The following SYT6 variants were observed in gnomAD, a reference collection of about 807,000 sequenced individuals.
SYT6 encodes synaptotagmin-6.
Under a neutral mutation model 38.4 loss-of-function variants are expected in SYT6, and 24 were observed. That is an observed-to-expected ratio of 0.62 (90% CI 0.45 to 0.88). SYT6 has a LOEUF of 0.88. Among genes scored for constraint, SYT6 ranks in the 40% least tolerant of loss-of-function variants. SYT6 has a pLI of 0.00. For synonymous variants in SYT6, 265 were observed against 241.9 expected, an observed-to-expected ratio of 1.10 and a Z score of -0.89; for missense variants, 611 against 621.0, an observed-to-expected ratio of 0.98 and a Z score of 0.17.
In SYT6 at chr1:114,092,338, C is replaced by CTCTCTG. The variant is rs991723002; in HGVS notation, c.*52-257_*52-256insCAGAGA. Reference sequence around the variant, plus strand: ...TCTCTCTCTCTCTCTCTCTCTCTCTCTGTGTGTGTGTGTGTGTGTGTGTGT... The same window carrying CTCTCTG: ...TCTCTCTCTCTCTCTCTCTCTCTCTCTCTCTGTGTGTGTGTGTGTGTGTGTGTGTGT... On this transcript the variant is annotated intron_variant, in intron 7 of 7. Transcript: ENST00000610222. Among the ~76,000 whole-genome samples the CTCTCTG allele has an allele frequency of 8.6e-4, 111 of 128,560 alleles. 1 individual carries two copies. The highest frequency in any genetic ancestry group is 2.8e-3 in the African/African-American group (101 of 36,240). 84.3% of individuals were successfully genotyped at this position (128,560 alleles called of 152,430 possible).
intron 3 of SYT6, among the ~76,000 whole-genome samples, chr1:114,116,316 C>T (rs72988629): frequency 0.013 from 1,946 of 152,286 alleles, 42 homozygotes; most frequent in African/African-American, 0.044. Context: ...GGCAGAACCC[C>T]TGGGCCAAAA....
At chr1:114,103,834 T>C (rs1293703615) in intron 3 of SYT6, 113 bp from the exon 4 acceptor site, 5 of 1,372,936 alleles carry the variant, frequency 3.6e-6, no homozygotes, top group Non-Finnish European at 4.9e-6. Context: ...TTGGAGACAC[T>C]GTGCTGTGTT....
At chr1:114,115,709 C>G (rs1676953447) in intron 3 of SYT6, among the ~76,000 whole-genome samples, 1 of 152,146 alleles carries the variant, frequency 6.6e-6, no homozygotes, top group African/African-American at 2.4e-5. Context: ...GCCACTGCAC[C>G]CAGCTCTTAA....
chr1:114,127,779 T>C (rs1468533123), intron 3 of SYT6, among the ~76,000 whole-genome samples: 3 of 152,156 alleles, frequency 2.0e-5, no homozygotes, highest in Admixed American at 6.5e-5. Context: ...AGGAATAAAC[T>C]GTGAGTAGGA....
chr1:114,144,911 C>T (rs1467963387), intron 1 of SYT6, among the ~76,000 whole-genome samples: 3 of 152,052 alleles, frequency 2.0e-5, no homozygotes, highest in Non-Finnish European at 4.4e-5. Flanking sequence ...AGAGAATCCT[C>T]AAGTCCTGAG....
At chr1:114,102,305 C>T (rs1351299300) in intron 4 of SYT6, among the ~76,000 whole-genome samples, 2 of 152,144 alleles carry the variant, frequency 1.3e-5, no homozygotes, top group African/African-American at 4.8e-5. Flanking sequence ...AGAAGAGGTC[C>T]GTTAATCTCT....
At chr1:114,145,408 T>A (rs781332122) in intron 1 of SYT6, among the ~76,000 whole-genome samples, 8 of 152,018 alleles carry the variant, frequency 5.3e-5, no homozygotes, top group Admixed American at 2.0e-4. Flanking sequence ...GTGGTGAAAC[T>A]GGGCTACAAC....
intron 3 of SYT6, among the ~76,000 whole-genome samples, chr1:114,129,984 C>T (rs1452417047): frequency 6.6e-6 from 1 of 152,090 alleles, no homozygotes; most frequent in Non-Finnish European, 1.5e-5. Flanking sequence ...TGTGCCTGGC[C>T]TCTTTCCTGT....
intron 3 of SYT6, among the ~76,000 whole-genome samples, chr1:114,124,290 G>C (rs1189277815): frequency 2.0e-5 from 3 of 152,210 alleles, no homozygotes; most frequent in African/African-American, 7.2e-5. Flanking sequence ...TCCTGGAAAT[G>C]ATGGCCAGTT....
chr1:114,094,842 G>A (rs1025109464), intron 6 of SYT6, among the ~76,000 whole-genome samples: 2 of 152,216 alleles, frequency 1.3e-5, no homozygotes, highest in Non-Finnish European at 2.9e-5. Context: ...ATCCAGAACG[G>A]GAACGAAAAG....
intron 4 of SYT6, among the ~76,000 whole-genome samples, chr1:114,101,427 TC>T (rs1221943049): frequency 6.6e-6 from 1 of 152,180 alleles, no homozygotes; most frequent in African/African-American, 2.4e-5. Context: ...TATTTCAGCC[TC>T]ATTGTCATGG....
intron 1 of SYT6, among the ~76,000 whole-genome samples, chr1:114,148,740 AT>A (rs1679286048): frequency 6.6e-6 from 1 of 152,198 alleles, no homozygotes; most frequent in African/African-American, 2.4e-5. Context: ...ACATTATCTA[AT>A]TTAACCTTTC....
Position 114,137,896 on chromosome 1 carries a change from AC to A in SYT6, c.669del (p.Lys223AsnfsTer24). 1 of 1,613,978 alleles carries A rather than the reference AC, an allele frequency of 6.2e-7. No individual in the cohort carries two copies. Among genetic ancestry groups the A allele is most frequent in the Non-Finnish European group, 8.5e-7 (1 of 1,179,992 alleles). ...KQKSVDGEDA[K>X]SEATKSCGKI... is the part of the protein sequence containing the mutation. The stretch of plus-strand genomic sequence containing the variant: ...TTCCCGCAGCTCTTGGTGGCCTCAG[AC>A]TTGGCATCCTCCCCATCCACCGACT... On this transcript the variant is annotated frameshift_variant, in exon 3 of 8. Coordinates refer to ENST00000610222, the MANE Select transcript of SYT6 (RefSeq NM_001253772.2). LOFTEE classifies it high-confidence loss of function.
intron 3 of SYT6, among the ~76,000 whole-genome samples, chr1:114,106,268 A>G (rs1244040914): frequency 6.6e-6 from 1 of 151,724 alleles, no homozygotes; most frequent in Non-Finnish European, 1.5e-5. Flanking sequence ...AACCCATTGC[A>G]CATGGACTGT....
In SYT6 at chr1:114,153,645, T is replaced by C. The variant is rs1312075217; in HGVS notation, c.128A>G (p.Gln43Arg). 3.1e-6 allele frequency: 2 copies of C among 648,870 alleles called. No homozygotes were observed. The highest frequency in any genetic ancestry group is 2.8e-6 in the Non-Finnish European group (1 of 357,282). The allele number at this position is 648,870 out of a possible 1,614,324, so 40.2% of individuals were successfully genotyped here. ...CGCGCTGGGACTCCGCTCTGGGGGC[T>C]GCAGCTCGAAGCTCCGACAAGTCTC... Reference protein sequence around the residue: ...DVETCRSFELQPPERSPSAAG... With the variant: ...DVETCRSFELRPPERSPSAAG... The change falls in exon 1 of 8, where the codon CAG (glutamine) becomes CGG (arginine). Residue 43 changes from glutamine (Q) to arginine (R), a missense_variant. Physicochemically the swap from Gln to Arg is conservative, Grantham distance 43. Transcript: ENST00000610222.
At chr1:114,118,825 G>C (rs1191341370) in intron 3 of SYT6, among the ~76,000 whole-genome samples, 1 of 152,146 alleles carries the variant, frequency 6.6e-6, no homozygotes, top group East Asian at 1.9e-4. Flanking sequence ...CTGAGGCAAC[G>C]CTTCCTCAAG....
intron 3 of SYT6, among the ~76,000 whole-genome samples, chr1:114,116,073 GC>G (rs1352490256): frequency 6.6e-6 from 1 of 152,104 alleles, no homozygotes; most frequent in Non-Finnish European, 1.5e-5. Context: ...CCTCCCTTCT[GC>G]CTGCCCCCAC....
In SYT6 at chr1:114,091,356, T is replaced by C. The variant is rs930664607; in HGVS notation, c.*778A>G. 1 of 152,446 alleles carries C rather than the reference T, an allele frequency of 6.6e-6. No individual in the cohort carries two copies. The highest frequency in any genetic ancestry group is 1.5e-5 in the Non-Finnish European group (1 of 68,034). The allele number at this position is 152,446 out of a possible 1,614,324, so 9.4% of individuals were successfully genotyped here. ...CCTAAAGAAAGTGACTAAGTTCCCATGAGGAATCAAGACGTTTTCAATTCA... is the reference window on the plus strand; with the variant it reads ...CCTAAAGAAAGTGACTAAGTTCCCACGAGGAATCAAGACGTTTTCAATTCA... On this transcript the variant is annotated 3_prime_UTR_variant, in exon 8 of 8. Coordinates refer to ENST00000610222, the MANE Select transcript of SYT6 (RefSeq NM_001253772.2).
At chr1:114,121,739 C>T (rs1432917581) in intron 3 of SYT6, among the ~76,000 whole-genome samples, 2 of 152,154 alleles carry the variant, frequency 1.3e-5, no homozygotes, top group African/African-American at 2.4e-5. Context: ...TCAGTTTCCC[C>T]ATCTATAAAA....
Sources: allele counts gnomAD v4.1 joint callset (sites outside exome capture counted in the v4.1 genomes callset), GRCh38; gene constraint gnomAD v4.1.1; transcripts MANE v1.5; gene names NCBI Gene and HGNC (gene_info 2026-07-23, HGNC 2026-07-21).